The following DGKB variants were observed in gnomAD, a reference collection of about 807,000 sequenced individuals.
The protein encoded by DGKB is diacylglycerol kinase beta.
DGKB carries 67 observed loss-of-function variants against 114.3 expected under a neutral mutation model. That is an observed-to-expected ratio of 0.59 (90% CI 0.48 to 0.72). DGKB has a LOEUF of 0.72. Ranked by LOEUF, DGKB falls within the 30% of genes least tolerant of loss-of-function variation. The probability of loss-of-function intolerance (pLI) is 0.00; values close to 1 mark genes in which losing one functional copy is unlikely to be tolerated. For missense variants in DGKB, 907 were observed against 975.2 expected, an observed-to-expected ratio of 0.93 and a Z score of 0.93; for synonymous variants, 398 against 323.1, an observed-to-expected ratio of 1.23 and a Z score of -2.49.
Position 14,152,570 on chromosome 7 carries a change from G to T in DGKB, c.2305-3332C>A, listed in dbSNP as rs190132615. On this transcript the variant is annotated intron_variant, in intron 25 of 25. Coordinates refer to ENST00000402815, the MANE Select transcript of DGKB (RefSeq NM_001350709.2). The stretch of plus-strand genomic sequence containing the variant: ...TAGAAAAGCAACAGTGGCAGAGAAA[G>T]GTTCTTCCACTGCCCATGACTATTT... Among the ~76,000 whole-genome samples, 67 of 152,088 alleles carry T rather than the reference G, an allele frequency of 4.4e-4. No individual in the cohort carries two copies. The East Asian group carries it at 0.012, about 28-fold the overall frequency.
chr7:14,158,757 A>G (rs994132187), intron 25 of DGKB, among the ~76,000 whole-genome samples: 3 of 152,130 alleles, frequency 2.0e-5, no homozygotes, highest in African/African-American at 7.2e-5. Context: ...ATTAGAGAGG[A>G]AACTGATTGT....
chr7:14,874,968 A>G (rs1587089901), intron 1 of DGKB, among the ~76,000 whole-genome samples: 1 of 152,226 alleles, frequency 6.6e-6, no homozygotes, highest in Non-Finnish European at 1.5e-5. Flanking sequence ...AAAAGAATTA[A>G]ACAGCTAGAT....
chr7:14,806,579 A>G (rs1842816433), intron 2 of DGKB, among the ~76,000 whole-genome samples: 1 of 152,036 alleles, frequency 6.6e-6, no homozygotes, highest in African/African-American at 2.4e-5. Context: ...AAATATTTAA[A>G]ATAAGGCATT....
intron 20 of DGKB, among the ~76,000 whole-genome samples, chr7:14,553,106 C>A (rs1445185147): frequency 6.6e-6 from 1 of 152,200 alleles, no homozygotes; most frequent in African/African-American, 2.4e-5. Flanking sequence ...ACGGTCAGCT[C>A]AAGCAGCTCA....
At chr7:14,546,625 A>G (rs1794333268) in intron 20 of DGKB, among the ~76,000 whole-genome samples, 1 of 152,190 alleles carries the variant, frequency 6.6e-6, no homozygotes, top group Non-Finnish European at 1.5e-5. Flanking sequence ...TTCAGGCAGC[A>G]AATTTCCACT....
At chr7:14,658,566 G>C (rs1816335424) in intron 13 of DGKB, among the ~76,000 whole-genome samples, 1 of 151,838 alleles carries the variant, frequency 6.6e-6, no homozygotes, top group African/African-American at 2.4e-5. Context: ...AGCTGGAAGA[G>C]AGGACTTCCC....
At chr7:14,318,636 A>AACAGGTGCTGG (rs2128525728) in intron 23 of DGKB, among the ~76,000 whole-genome samples, 1 of 152,192 alleles carries the variant, frequency 6.6e-6, no homozygotes, top group South Asian at 2.1e-4. Flanking sequence ...GTCAGGAAAC[A>AACAGGTGCTGG]ACAGGTGCTG....
At chr7:14,374,944 T>C (rs1287834009) in intron 21 of DGKB, among the ~76,000 whole-genome samples, 1 of 152,208 alleles carries the variant, frequency 6.6e-6, no homozygotes, top group East Asian at 1.9e-4. Context: ...TCATATGTGA[T>C]ATTCCCTCTG....
At chr7:14,557,410 C>A (rs901285850) in intron 20 of DGKB, among the ~76,000 whole-genome samples, 4 of 151,828 alleles carry the variant, frequency 2.6e-5, no homozygotes, top group Admixed American at 2.0e-4. Flanking sequence ...TATGTGTATT[C>A]TATTTGTCAT....
intron 2 of DGKB, among the ~76,000 whole-genome samples, chr7:14,803,372 G>A (rs913888020): frequency 6.6e-6 from 1 of 152,114 alleles, no homozygotes; most frequent in East Asian, 1.9e-4. Context: ...TTTAATCCTT[G>A]CATCTAATAC....
At chr7:14,628,012 C>T (rs927807087) in intron 14 of DGKB, among the ~76,000 whole-genome samples, 1 of 151,894 alleles carries the variant, frequency 6.6e-6, no homozygotes, top group Non-Finnish European at 1.5e-5. Flanking sequence ...CCTCTTTCTC[C>T]AATCCCTTTG....
chr7:14,616,432 T>A (rs552645498), intron 15 of DGKB, among the ~76,000 whole-genome samples: 1 of 151,758 alleles, frequency 6.6e-6, no homozygotes, highest in South Asian at 2.1e-4. Flanking sequence ...AATTTAGAAT[T>A]TTTACTTTCA....
At chr7:14,286,599 T>C (rs1297500416) in intron 23 of DGKB, among the ~76,000 whole-genome samples, 1 of 152,170 alleles carries the variant, frequency 6.6e-6, no homozygotes, top group African/African-American at 2.4e-5. Flanking sequence ...TTGTTACTTA[T>C]ACTCAGTACT....
At chr7:14,318,896 C>A (rs536938085) in intron 23 of DGKB, among the ~76,000 whole-genome samples, 163 of 152,130 alleles carry the variant, frequency 1.1e-3, no homozygotes, top group Admixed American at 3.3e-3. Context: ...CCAAATGTCC[C>A]ACAATGATAG....
At chr7:14,640,297 G>A (rs1811512820) in intron 13 of DGKB, among the ~76,000 whole-genome samples, 2 of 152,172 alleles carry the variant, frequency 1.3e-5, no homozygotes, top group Non-Finnish European at 2.9e-5. Context: ...TTAAGGCAGA[G>A]AATACTAGAA....
intron 13 of DGKB, among the ~76,000 whole-genome samples, chr7:14,647,447 C>T (rs1813280555): frequency 6.6e-6 from 1 of 151,970 alleles, no homozygotes; most frequent in Non-Finnish European, 1.5e-5. Flanking sequence ...ACTCCAAAAA[C>T]AAAAAAATAG....
intron 1 of DGKB, among the ~76,000 whole-genome samples, chr7:14,950,721 T>A (rs1391880224): frequency 6.6e-6 from 1 of 151,790 alleles, no homozygotes; most frequent in East Asian, 1.9e-4. Flanking sequence ...AGAAGAGAAA[T>A]AAACACTCTC....
chr7:14,910,253 A>G (rs1158014631), intron 1 of DGKB, among the ~76,000 whole-genome samples: 2 of 29,778 alleles, frequency 6.7e-5, no homozygotes, highest in Admixed American at 7.3e-4. Context: ...AAAGAAAGAA[A>G]GAAAGAAAGA....
chr7:14,302,120 C>G (rs1020618735), intron 23 of DGKB, among the ~76,000 whole-genome samples: 1 of 151,940 alleles, frequency 6.6e-6, no homozygotes, highest in Non-Finnish European at 1.5e-5. Flanking sequence ...TACCTAGACA[C>G]AAAAGAATAG....
Sources: allele counts gnomAD v4.1 joint callset (sites outside exome capture counted in the v4.1 genomes callset), GRCh38; gene constraint gnomAD v4.1.1; transcripts MANE v1.5; gene names NCBI Gene and HGNC (gene_info 2026-07-23, HGNC 2026-07-21).